PAQR5: variants seen among roughly 807,000 people sequenced by gnomAD.
The protein encoded by PAQR5 is progestin and adipoQ receptor family member 5.
PAQR5 carries 20 observed loss-of-function variants against 34.5 expected under a neutral mutation model. The ratio of observed to expected loss-of-function variants is 0.58; its 90% CI spans 0.41 to 0.84. The LOEUF is 0.84. Among genes scored for constraint, PAQR5 ranks in the 40% least tolerant of loss-of-function variants. The probability of loss-of-function intolerance (pLI) is 0.00; values close to 1 mark genes in which losing one functional copy is unlikely to be tolerated. For missense variants in PAQR5, 378 were observed against 412.7 expected (o/e 0.92, Z 0.73); for synonymous variants, 131 against 155.6 (o/e 0.84, Z 1.18).
intron 3 of PAQR5, among the ~76,000 whole-genome samples, chr15:69,363,039 C>G (rs1170740558): frequency 1.3e-5 from 2 of 152,306 alleles, no homozygotes; most frequent in African/African-American, 4.8e-5. Context: ...CTGCTCCCTT[C>G]CCCGAGCTCC....
At chr15:69,399,825 T>G in intron 7 of PAQR5, 149 bp from the exon 8 acceptor site, 3 of 704,598 alleles carry the variant, frequency 4.3e-6, no homozygotes, top group Non-Finnish European at 7.0e-6. Context: ...CCTGAGGAGG[T>G]GAGGGCCTTG....
At chr15:69,350,499 C>T (rs1233226684) in intron 2 of PAQR5, among the ~76,000 whole-genome samples, 1 of 152,024 alleles carries the variant, frequency 6.6e-6, no homozygotes, top group Non-Finnish European at 1.5e-5. Flanking sequence ...AAAATTTAGC[C>T]AGGTGTGATG....
At chr15:69,311,038 C>CCAAA (rs2053822007) in intron 1 of PAQR5, among the ~76,000 whole-genome samples, 2 of 36,120 alleles carry the variant, frequency 5.5e-5, no homozygotes, top group African/African-American at 1.6e-4. Context: ...GACTCCGTCG[C>CCAAA]AAAAAATAAA....
chr15:69,330,228 C>T (rs147427841), intron 1 of PAQR5, among the ~76,000 whole-genome samples: 2 of 152,124 alleles, frequency 1.3e-5, no homozygotes, highest in Non-Finnish European at 2.9e-5. Context: ...TGACTGAGAC[C>T]GTGAAAGAGA....
rs1202119911 is a variant in PAQR5 at position 69,360,030 on chromosome 15, T to G, written c.-51T>G. 1 of 1,468,508 alleles carries G rather than the reference T, an allele frequency of 6.8e-7. No individual in the cohort carries two copies. The highest frequency in any genetic ancestry group is 1.4e-5 in the African/African-American group (1 of 71,812). 91.0% of individuals were successfully genotyped at this position (1,468,508 alleles called of 1,614,324 possible). A position where few individuals can be genotyped will look rare whatever the true frequency, so the allele number is the denominator to read the frequency against. On this transcript the variant is annotated 5_prime_UTR_variant, in exon 3 of 9. Coordinates refer to ENST00000395407, the MANE Select transcript of PAQR5 (RefSeq NM_017705.4). ...CCATGTTAGAGCTTTGAGTGAGGCC[T>G]GGTAACAGGGAGGCGCTGTCACCTA...
At chr15:69,369,548 A>C (rs1456057353) in intron 3 of PAQR5, among the ~76,000 whole-genome samples, 1 of 151,244 alleles carries the variant, frequency 6.6e-6, no homozygotes, top group African/African-American at 2.4e-5. Flanking sequence ...GTTAAAAAAA[A>C]AAAAAAGTAG....
intron 2 of PAQR5, among the ~76,000 whole-genome samples, chr15:69,354,646 G>A (rs2055007848): frequency 6.6e-6 from 1 of 152,130 alleles, no homozygotes; most frequent in South Asian, 2.1e-4. Flanking sequence ...AGTTGACAGG[G>A]GGTAGACTTG....
chr15:69,350,532 A>G lies in PAQR5; in HGVS notation c.-115-9434A>G, dbSNP rs143394350. On this transcript the variant is annotated intron_variant, in intron 2 of 8. Coordinates refer to ENST00000395407, the MANE Select transcript of PAQR5 (RefSeq NM_017705.4). ...ATGGCGCACACCTGTAGTCCCAGCT[A>G]CTTTGGAGGCTGAGGCGCAAGAATC... Among the ~76,000 whole-genome samples the G allele has an allele frequency of 6.7e-3, 1,015 of 152,284 alleles. 13 individuals are homozygous for G. Among genetic ancestry groups the G allele is most frequent in the African/African-American group, 0.023 (972 of 41,568 alleles).
rs1807958732 is a variant in PAQR5, at chr15:69,405,177, C to A, written c.*1355C>A. 2.6e-6 allele frequency: 1 copy of A among 391,270 alleles called. No individual in the cohort carries two copies. The highest frequency in any genetic ancestry group is 4.5e-6 in the Non-Finnish European group (1 of 221,944). The allele number at this position is 391,270 out of a possible 1,614,324, so 24.2% of individuals were successfully genotyped here. A position where few individuals can be genotyped will look rare whatever the true frequency, so the allele number is the denominator to read the frequency against. ...TTCAGGGAACACAGAAATGCGGATG[C>A]AAAACAACTTTTGACAGAGGCCCAT... On this transcript the variant is annotated 3_prime_UTR_variant, in exon 9 of 9. Transcript: ENST00000395407.
rs567711271 is a variant in PAQR5 at position 69,313,795 on chromosome 15, C to A, written c.-277+14739C>A. 2.0e-5 allele frequency among the ~76,000 whole-genome samples: 3 copies of A among 152,088 alleles called. No individual in the cohort carries two copies. In the East Asian group the frequency reaches 5.8e-4, roughly 29 times the overall value. On this transcript the variant is annotated intron_variant, in intron 1 of 8. Coordinates refer to ENST00000395407, the MANE Select transcript of PAQR5 (RefSeq NM_017705.4). ...GGGGGTGACAGGTGAGCAGGTGAGC[C>A]GCCTAAGAAGGAAAGGGACAGGAGG...
intron 5 of PAQR5, among the ~76,000 whole-genome samples, chr15:69,386,867 C>A (rs1031323549): frequency 1.3e-5 from 2 of 152,186 alleles, no homozygotes; most frequent in Non-Finnish European, 2.9e-5. Flanking sequence ...TGCCCCTACA[C>A]CTGCTAGCCC....
At chr15:69,322,753 A>AAGAGGG (rs1491579849) in intron 1 of PAQR5, among the ~76,000 whole-genome samples, 9 of 41,216 alleles carry the variant, frequency 2.2e-4, no homozygotes, top group South Asian at 9.5e-4. Flanking sequence ...GAAGAAGAAG[A>AAGAGGG]AGAAGAAGAA....
chr15:69,334,741 G>T (rs529610288), intron 1 of PAQR5, among the ~76,000 whole-genome samples: 4 of 151,914 alleles, frequency 2.6e-5, no homozygotes, highest in African/African-American at 9.7e-5. Flanking sequence ...GGTAAAAGAT[G>T]ATCAGAAGGC....
intron 3 of PAQR5, among the ~76,000 whole-genome samples, chr15:69,364,808 G>C (rs140737859): frequency 0.011 from 1,721 of 151,122 alleles, 33 homozygotes; most frequent in African/African-American, 0.039. Context: ...GCAAGATCTC[G>C]GCTCACTGCA....
chr15:69,401,604 T>C (rs2056628289), intron 8 of PAQR5, among the ~76,000 whole-genome samples: 1 of 152,226 alleles, frequency 6.6e-6, no homozygotes, highest in African/African-American at 2.4e-5. Flanking sequence ...CTCAGGTTTC[T>C]TAATAACATT....
intron 1 of PAQR5, among the ~76,000 whole-genome samples, chr15:69,313,325 C>A (rs1163678270): frequency 1.3e-5 from 2 of 151,790 alleles, no homozygotes; most frequent in East Asian, 3.9e-4. Context: ...ATAGTGAGAC[C>A]CCCATTTTTA....
intron 6 of PAQR5, among the ~76,000 whole-genome samples, chr15:69,396,563 GAT>G (rs945033451): frequency 1.3e-5 from 2 of 152,182 alleles, no homozygotes; most frequent in African/African-American, 4.8e-5. Context: ...CCTCAGCATT[GAT>G]GTGGGGACTT....
chr15:69,321,385 C>G (rs1315209845), intron 1 of PAQR5, among the ~76,000 whole-genome samples: 1 of 152,182 alleles, frequency 6.6e-6, no homozygotes, highest in Non-Finnish European at 1.5e-5. Flanking sequence ...CTTACCCAGT[C>G]CCCTGGATCC....
In PAQR5 at chr15:69,298,978, G is replaced by A. The variant is rs2053458140; in HGVS notation, c.-355G>A. 6.6e-6 allele frequency: 1 copy of A among 151,938 alleles called. No homozygotes were observed. The highest frequency in any genetic ancestry group is 2.4e-5 in the African/African-American group (1 of 41,378). 9.4% of individuals were successfully genotyped at this position (151,938 alleles called of 1,614,324 possible). ...GCGAGTCCGGGGTCGCCGCAGCCCGGGAGGAGTGTCTGGTCTCCGGCCTGC... is the reference window on the plus strand; with the variant it reads ...GCGAGTCCGGGGTCGCCGCAGCCCGAGAGGAGTGTCTGGTCTCCGGCCTGC... On this transcript the variant is annotated 5_prime_UTR_variant, in exon 1 of 9. Coordinates refer to ENST00000395407, the MANE Select transcript of PAQR5 (RefSeq NM_017705.4).
Sources: gnomAD v4.1 joint callset for allele counts (sites outside exome capture counted in the v4.1 genomes callset) on GRCh38, gnomAD v4.1.1 for gene constraint, MANE v1.5 for transcripts, NCBI Gene and HGNC (gene_info 2026-07-23, HGNC 2026-07-21) for gene names.